RUNDC3B: variants seen among roughly 807,000 people sequenced by gnomAD.
The protein encoded by RUNDC3B is RUN domain-containing protein 3B.
Under a neutral mutation model 58.4 loss-of-function variants are expected in RUNDC3B, and 33 were observed. The observed-to-expected ratio is 0.56, with a 90% CI of 0.43 to 0.75. The LOEUF (loss-of-function observed/expected upper bound fraction) is 0.75, where lower values mean the gene tolerates loss of function less well. RUNDC3B is among the 30% of genes least tolerant of loss of function. RUNDC3B has a pLI of 0.00. For synonymous variants in RUNDC3B, 193 were observed against 195.2 expected (o/e 0.99, Z 0.10); for missense variants, 501 against 535.7 (o/e 0.94, Z 0.64).
intron 4 of RUNDC3B, among the ~76,000 whole-genome samples, chr7:87,721,003 A>G (rs1410508297): frequency 6.7e-6 from 1 of 148,760 alleles, no homozygotes; most frequent in East Asian, 2.0e-4. Context: ...AATTAAATGT[A>G]TAATTTAAAA....
At chr7:87,637,229 G>C (rs563111848) in intron 1 of RUNDC3B, among the ~76,000 whole-genome samples, 3 of 152,192 alleles carry the variant, frequency 2.0e-5, no homozygotes, top group East Asian at 3.9e-4. Context: ...ATTTATCTTA[G>C]GTGACTGGAT....
intron 1 of RUNDC3B, among the ~76,000 whole-genome samples, chr7:87,633,041 C>T (rs1472804569): frequency 1.3e-5 from 2 of 152,084 alleles, no homozygotes; most frequent in Non-Finnish European, 2.9e-5. Context: ...TATGAATAGT[C>T]TTAGTTTTCT....
chr7:87,755,027 CTTT>C (rs200129505), intron 6 of RUNDC3B, among the ~76,000 whole-genome samples: 13 of 136,788 alleles, frequency 9.5e-5, no homozygotes, highest in African/African-American at 3.2e-4. Flanking sequence ...GATACAATTT[CTTT>C]TTTTTTTTTT....
rs1467803299 is a variant in RUNDC3B at position 87,729,713 on chromosome 7, G to A, written c.459-10078G>A. Among the ~76,000 whole-genome samples, 8 of 152,274 alleles carry A rather than the reference G, an allele frequency of 5.3e-5. No individual in the cohort carries two copies. The East Asian group carries it at 5.8e-4, about 11-fold the overall frequency. Reference sequence around the variant, plus strand: ...CTGGGCTTGAAGTTAGTGGATATTCGGTGGAGATGACCTAGTGAAACACCA... The same window carrying A: ...CTGGGCTTGAAGTTAGTGGATATTCAGTGGAGATGACCTAGTGAAACACCA... On this transcript the variant is annotated intron_variant, in intron 4 of 10. Coordinates refer to ENST00000394654, the MANE Select transcript of RUNDC3B (RefSeq NM_001134405.2).
intron 6 of RUNDC3B, among the ~76,000 whole-genome samples, chr7:87,765,575 T>A (rs1367977070): frequency 6.6e-6 from 1 of 152,106 alleles, no homozygotes; most frequent in African/African-American, 2.4e-5. Context: ...GAGCAAGTTG[T>A]TTAGTTTCTA....
chr7:87,671,914 A>G (rs1439650883), intron 2 of RUNDC3B, among the ~76,000 whole-genome samples: 1 of 152,178 alleles, frequency 6.6e-6, no homozygotes, highest in Non-Finnish European at 1.5e-5. Flanking sequence ...TGGAAAACAC[A>G]GGCAGGAGTG....
intron 4 of RUNDC3B, among the ~76,000 whole-genome samples, chr7:87,731,724 G>A (rs1831589296): frequency 6.6e-6 from 1 of 152,168 alleles, no homozygotes; most frequent in African/African-American, 2.4e-5. Context: ...TATAACAATT[G>A]TAAATACATG....
intron 4 of RUNDC3B, among the ~76,000 whole-genome samples, chr7:87,722,818 G>A (rs751060959): frequency 3.8e-4 from 58 of 152,278 alleles, no homozygotes; most frequent in Middle Eastern, 3.4e-3. Context: ...AGTTGGTATC[G>A]TTGAGAAATC....
intron 6 of RUNDC3B, among the ~76,000 whole-genome samples, chr7:87,749,444 G>C (rs1832834685): frequency 6.6e-6 from 1 of 151,854 alleles, no homozygotes; most frequent in African/African-American, 2.4e-5. Context: ...CTTGTACAAA[G>C]GATGCTAAAA....
intron 4 of RUNDC3B, among the ~76,000 whole-genome samples, chr7:87,734,599 G>T: frequency 6.6e-6 from 1 of 151,934 alleles, no homozygotes; most frequent in Non-Finnish European, 1.5e-5. Flanking sequence ...CTAATTTCAT[G>T]ATTACACTTC....
In RUNDC3B at chr7:87,681,552, G is replaced by T. The variant is rs550908142; in HGVS notation, c.239-18869G>T. On this transcript the variant is annotated intron_variant, in intron 2 of 10. Transcript: ENST00000394654. The stretch of plus-strand genomic sequence containing the variant: ...TGTAATAGCATTATGTCTAAAAAAT[G>T]TACATACCCTAATTAAACTACTTTA... Among the ~76,000 whole-genome samples the T allele has an allele frequency of 2.0e-5, 3 of 150,802 alleles. 1 individual carries two copies. The highest frequency in any genetic ancestry group is 7.4e-5 in the African/African-American group (3 of 40,744).
At chr7:87,739,106 A>T (rs1253513771) in intron 4 of RUNDC3B, among the ~76,000 whole-genome samples, 2 of 151,990 alleles carry the variant, frequency 1.3e-5, no homozygotes, top group Non-Finnish European at 2.9e-5. Flanking sequence ...AGGGCCACAT[A>T]ATGATTTTTC....
chr7:87,679,133 C>G (rs1472464991), intron 2 of RUNDC3B, among the ~76,000 whole-genome samples: 1 of 141,552 alleles, frequency 7.1e-6, no homozygotes, highest in Non-Finnish European at 1.5e-5. Context: ...CGCTCTTTCC[C>G]CCAGGCTGGA....
intron 8 of RUNDC3B, among the ~76,000 whole-genome samples, chr7:87,792,394 A>G (rs1835573178): frequency 6.6e-6 from 1 of 152,150 alleles, no homozygotes; most frequent in Non-Finnish European, 1.5e-5. Context: ...CATTTCATCC[A>G]ATGGCTAGAG....
intron 3 of RUNDC3B, among the ~76,000 whole-genome samples, chr7:87,710,219 TTTAA>T (rs1829945925): frequency 6.6e-6 from 1 of 152,172 alleles, no homozygotes; most frequent in African/African-American, 2.4e-5. Flanking sequence ...GAGGGCTCAT[TTTAA>T]TTAGTTTGTT....
chr7:87,805,976 CTTT>C (rs1836414289), intron 8 of RUNDC3B, among the ~76,000 whole-genome samples: 1 of 152,154 alleles, frequency 6.6e-6, no homozygotes, highest in East Asian at 1.9e-4. Flanking sequence ...CTTTGTAAAG[CTTT>C]ACTGTTTTCA....
At chr7:87,780,457 T>C (rs998793790) in intron 8 of RUNDC3B, among the ~76,000 whole-genome samples, 1 of 152,208 alleles carries the variant, frequency 6.6e-6, no homozygotes, top group Non-Finnish European at 1.5e-5. Context: ...GGGTTATTTG[T>C]TTTTTTCTTG....
At chr7:87,818,795 G>A (rs954070064) in intron 10 of RUNDC3B, among the ~76,000 whole-genome samples, 2 of 152,132 alleles carry the variant, frequency 1.3e-5, no homozygotes, top group African/African-American at 4.8e-5. Context: ...CCTCTAGAAA[G>A]ATAAAGTCAA....
At chr7:87,826,162 G>T (rs1837793934) in intron 10 of RUNDC3B, among the ~76,000 whole-genome samples, 1 of 152,132 alleles carries the variant, frequency 6.6e-6, no homozygotes, top group African/African-American at 2.4e-5. Context: ...ATCTTATCTT[G>T]AATTGTAACT....
Sources: allele counts gnomAD v4.1 joint callset (sites outside exome capture counted in the v4.1 genomes callset), GRCh38; gene constraint gnomAD v4.1.1; transcripts MANE v1.5; gene names NCBI Gene and HGNC (gene_info 2026-07-23, HGNC 2026-07-21).